Variants in BEAN1 observed in about 807,000 individuals in gnomAD.
BEAN1 encodes protein BEAN1.
A neutral mutation model predicts 17.7 loss-of-function variants in BEAN1; 17 were observed. That is an observed-to-expected ratio of 0.96 (90% CI 0.66 to 1.44). The LOEUF (loss-of-function observed/expected upper bound fraction) is 1.44, where lower values mean the gene tolerates loss of function less well. BEAN1 is among the 40% of genes most tolerant of loss of function. The probability of loss-of-function intolerance (pLI) is 0.00; values close to 1 mark genes in which losing one functional copy is unlikely to be tolerated. For synonymous variants in BEAN1, 142 were observed against 151.8 expected (o/e 0.94, Z 0.47); for missense variants, 359 against 374.1 (o/e 0.96, Z 0.33).
At chr16:66,464,633 G>A (rs903047450) in intron 2 of BEAN1, among the ~76,000 whole-genome samples, 5 of 152,178 alleles carry the variant, frequency 3.3e-5, no homozygotes. Flanking sequence ...GTGCGCCACT[G>A]TGCCCAGCCT....
At chr16:66,491,401 C>G (rs909472878) in intron 4 of BEAN1, among the ~76,000 whole-genome samples, 1 of 152,238 alleles carries the variant, frequency 6.6e-6, no homozygotes, top group African/African-American at 2.4e-5. Context: ...TGCCACATGT[C>G]TGAGCAAGGG....
intron 4 of BEAN1, among the ~76,000 whole-genome samples, chr16:66,489,008 C>A (rs1428630006): frequency 6.6e-6 from 1 of 151,982 alleles, no homozygotes; most frequent in African/African-American, 2.4e-5. Flanking sequence ...CCTGTCTCTA[C>A]TAAAAATACA....
chr16:66,493,793 G>A (rs1035894214), downstream of BEAN1, among the ~76,000 whole-genome samples: 8 of 152,282 alleles, frequency 5.3e-5, no homozygotes, highest in Middle Eastern at 0.01. Context: ...AATAGACGCC[G>A]CACCTCCCAG....
intron 4 of BEAN1, among the ~76,000 whole-genome samples, chr16:66,490,848 T>C (rs37167): frequency 0.98 from 148,884 of 152,336 alleles, 72,767 homozygotes; most frequent in East Asian, 1. Context: ...CAATCTCAGC[T>C]TTTCAGAGTG....
At chr16:66,436,757 A>T (rs1215364939) in intron 1 of BEAN1, among the ~76,000 whole-genome samples, 2 of 151,904 alleles carry the variant, frequency 1.3e-5, no homozygotes, top group Non-Finnish European at 2.9e-5. Flanking sequence ...TACCTTTTTA[A>T]AATGTTTTCT....
chr16:66,447,921 G>T (rs1025544105), intron 2 of BEAN1, among the ~76,000 whole-genome samples: 5 of 152,212 alleles, frequency 3.3e-5, no homozygotes, highest in Admixed American at 6.5e-5. Context: ...CTACATAAAT[G>T]TGGAAAATGC....
At chr16:66,486,284 A>G (rs1448542328), downstream of BEAN1, among the ~76,000 whole-genome samples, 1 of 152,120 alleles carries the variant, frequency 6.6e-6, no homozygotes, top group Non-Finnish European at 1.5e-5. Context: ...ACTGGAGTGC[A>G]GTGGTACGAT....
intron 4 of BEAN1, among the ~76,000 whole-genome samples, chr16:66,488,805 A>G (rs890382404): frequency 6.6e-6 from 1 of 152,156 alleles, no homozygotes; most frequent in African/African-American, 2.4e-5. Context: ...GAACTGGAAA[A>G]AGCAAGGAAA....
At chr16:66,480,462 TG>T in intron 4 of BEAN1, 123 bp from the exon 5 acceptor site, 2 of 733,712 alleles carry the variant, frequency 2.7e-6, no homozygotes, top group Non-Finnish European at 4.3e-6. Context: ...GGAGCCAGCG[TG>T]GACAAGGCCC....
At chr16:66,478,336 G>T (rs368245217) in intron 4 of BEAN1, among the ~76,000 whole-genome samples, 78 of 152,320 alleles carry the variant, frequency 5.1e-4, no homozygotes, top group African/African-American at 1.6e-3. Context: ...GGGCGTGGGG[G>T]CTCACGCCTG....
chr16:66,463,751 T>G (rs1337491165), intron 2 of BEAN1, among the ~76,000 whole-genome samples: 2 of 152,242 alleles, frequency 1.3e-5, no homozygotes, highest in Admixed American at 1.3e-4. Flanking sequence ...TCTAAGAGTT[T>G]TATAGTTTTA....
chr16:66,437,552 G>A, intron 1 of BEAN1, 43 bp from the exon 2 acceptor site: 1 of 1,175,396 alleles, frequency 8.5e-7, no homozygotes, highest in Non-Finnish European at 1.2e-6. Flanking sequence ...GGCTGTGGGT[G>A]CGCCATGGGC....
downstream of BEAN1, among the ~76,000 whole-genome samples, chr16:66,494,464 C>T (rs1018861610): frequency 5.9e-5 from 9 of 152,142 alleles, no homozygotes; most frequent in Non-Finnish European, 8.8e-5. Flanking sequence ...CAGTGCCCAT[C>T]AGAGACCGAC....
At chr16:66,444,001 A>G (rs1027603650) in intron 2 of BEAN1, among the ~76,000 whole-genome samples, 5 of 152,138 alleles carry the variant, frequency 3.3e-5, no homozygotes, top group Non-Finnish European at 4.4e-5. Context: ...TCAGTGCACA[A>G]TCATATCATA....
At chr16:66,430,125 T>C (rs778797141) in intron 1 of BEAN1, among the ~76,000 whole-genome samples, 2 of 152,178 alleles carry the variant, frequency 1.3e-5, no homozygotes, top group African/African-American at 2.4e-5. Context: ...AGGTGACTTA[T>C]TTTTCAAAGC....
chr16:66,429,765 C>CA (rs1423868174), intron 1 of BEAN1, among the ~76,000 whole-genome samples: 1 of 152,226 alleles, frequency 6.6e-6, no homozygotes, highest in Non-Finnish European at 1.5e-5. Context: ...CCAAAATCCT[C>CA]ACTCCTCATC....
chr16:66,431,251 A>G lies in BEAN1; in HGVS notation c.-83+3820A>G, dbSNP rs1349641194. 2.6e-5 allele frequency among the ~76,000 whole-genome samples: 4 copies of G among 152,362 alleles called. No individual in the cohort carries two copies. In the East Asian group the frequency reaches 7.7e-4, roughly 29 times the overall value. On this transcript the variant is annotated intron_variant, in intron 1 of 4. Transcript: ENST00000536005. Reference sequence around the variant, plus strand: ...GGCTGAGGCAGGATCTCTTGAGCCCAGGAGTTCAAGACCAGCCTAGGCAAC... The same window carrying G: ...GGCTGAGGCAGGATCTCTTGAGCCCGGGAGTTCAAGACCAGCCTAGGCAAC...
At chr16:66,460,080 C>T (rs1219249266) in intron 2 of BEAN1, among the ~76,000 whole-genome samples, 1 of 152,234 alleles carries the variant, frequency 6.6e-6, no homozygotes, top group Non-Finnish European at 1.5e-5. Flanking sequence ...TGAGCTTCCT[C>T]TCTGCACTGG....
chr16:66,481,053 T>TGCTACGGCG lies in BEAN1; in HGVS notation c.*128_*129insGCTACGGCG. The TGCTACGGCG allele has an allele frequency of 1.5e-6, 1 of 688,152 alleles. No individual in the cohort carries two copies. The highest frequency in any genetic ancestry group is 2.2e-6 in the Non-Finnish European group (1 of 455,514). The allele number at this position is 688,152 out of a possible 1,614,324, so 42.6% of individuals were successfully genotyped here. ...AACACACACATAGACCAAACTTGTATACACACAGACATCTACACTGACATA... is the reference window on the plus strand; with the variant it reads ...AACACACACATAGACCAAACTTGTATGCTACGGCGACACACAGACATCTACACTGACATA... On this transcript the variant is annotated 3_prime_UTR_variant, in exon 5 of 5. Transcript: ENST00000536005. This position sits in a 1 kb window ranked among gnomAD's most constrained non-coding sequence, Gnocchi z 4.1.
Sources: gnomAD v4.1 joint callset for allele counts (sites outside exome capture counted in the v4.1 genomes callset) on GRCh38, gnomAD v4.1.1 for gene constraint, Gnocchi (gnomAD v3.1) non-coding constraint, MANE v1.5 for transcripts, NCBI Gene and HGNC (gene_info 2026-07-23, HGNC 2026-07-21) for gene names.